PHACTR1: variants seen among roughly 807,000 people sequenced by gnomAD.
PHACTR1 encodes phosphatase and actin regulator 1.
In PHACTR1, 16 loss-of-function variants were observed where a neutral mutation model predicts 69.2. That is an observed-to-expected ratio of 0.23 (90% CI 0.16 to 0.35). PHACTR1 has a LOEUF of 0.35. PHACTR1 is among the 10% of genes least tolerant of loss of function. The probability of loss-of-function intolerance (pLI) is 1.00; values close to 1 mark genes in which losing one functional copy is unlikely to be tolerated. For synonymous variants in PHACTR1, 312 were observed against 284.5 expected (o/e 1.10, Z -0.97); for missense variants, 510 against 734.7 (o/e 0.69, Z 3.54).
intron 5 of PHACTR1, among the ~76,000 whole-genome samples, chr6:13,133,826 C>A (rs1382529776): frequency 6.6e-6 from 1 of 151,626 alleles, no homozygotes; most frequent in Non-Finnish European, 1.5e-5. Flanking sequence ...CTCTGCCCAG[C>A]CGCCATCCCA....
At chr6:13,171,227 C>T (rs1358408306) in intron 6 of PHACTR1, among the ~76,000 whole-genome samples, 2 of 149,120 alleles carry the variant, frequency 1.3e-5, no homozygotes, top group African/African-American at 4.9e-5. Flanking sequence ...GCTCAGGACT[C>T]CTCCAAGGGC....
At chr6:12,949,755 C>T (rs1215694722) in intron 4 of PHACTR1, among the ~76,000 whole-genome samples, 1 of 152,070 alleles carries the variant, frequency 6.6e-6, no homozygotes, top group Non-Finnish European at 1.5e-5. Context: ...TAAAAGTAAA[C>T]AGCTTCTGTG....
intron 4 of PHACTR1, among the ~76,000 whole-genome samples, chr6:12,825,638 A>G (rs927913445): frequency 6.6e-6 from 1 of 152,116 alleles, no homozygotes; most frequent in African/African-American, 2.4e-5. Context: ...GTGAATCTCA[A>G]AGGCCTGTTT....
intron 4 of PHACTR1, among the ~76,000 whole-genome samples, chr6:12,949,549 G>A (rs1791061181): frequency 6.6e-6 from 1 of 152,156 alleles, no homozygotes; most frequent in African/African-American, 2.4e-5. Flanking sequence ...CTGTGGTATA[G>A]ACATACATTG....
At chr6:13,207,916 G>GC (rs1333293182) in intron 8 of PHACTR1, among the ~76,000 whole-genome samples, 1 of 151,290 alleles carries the variant, frequency 6.6e-6, no homozygotes, top group African/African-American at 2.4e-5. Flanking sequence ...CTCTGCTCCT[G>GC]CCTGTCAGCT....
At chr6:13,177,131 A>ATTGAG (rs1360284441) in intron 6 of PHACTR1, among the ~76,000 whole-genome samples, 1 of 138,238 alleles carries the variant, frequency 7.2e-6, no homozygotes, top group African/African-American at 2.7e-5. Flanking sequence ...TGAGCCCAGG[A>ATTGAG]GTTCAAGACC....
chr6:13,124,751 C>T (rs749600761), intron 5 of PHACTR1, among the ~76,000 whole-genome samples: 1 of 152,184 alleles, frequency 6.6e-6, no homozygotes, highest in Non-Finnish European at 1.5e-5. Context: ...AGGGCTCTCT[C>T]TTTGGCTTGC....
At chr6:12,870,023 A>C (rs1406611375) in intron 4 of PHACTR1, among the ~76,000 whole-genome samples, 1 of 152,062 alleles carries the variant, frequency 6.6e-6, no homozygotes, top group East Asian at 1.9e-4. Flanking sequence ...CACCTGGCTA[A>C]GTGCCTGTAA....
intron 4 of PHACTR1, among the ~76,000 whole-genome samples, chr6:12,891,814 C>T (rs908638899): frequency 1.3e-5 from 2 of 152,198 alleles, no homozygotes; most frequent in African/African-American, 4.8e-5. Flanking sequence ...TGAGATCAAA[C>T]CAGCCTTGAA....
rs192150361 is a variant in PHACTR1 at position 13,195,123 on chromosome 6, C to T, written c.665-10692C>T. On this transcript the variant is annotated intron_variant, in intron 7 of 14. Coordinates refer to ENST00000332995, the MANE Select transcript of PHACTR1 (RefSeq NM_030948.6). ...CGAGTGATCATCCCTAGGCGGGCCT[C>T]GTGTTCTGAAGGAACTGATGGAGCT... 7.7e-4 allele frequency among the ~76,000 whole-genome samples: 117 copies of T among 152,320 alleles called. 2 individuals carry two copies. The South Asian group carries it at 0.02, about 26-fold the overall frequency.
intron 4 of PHACTR1, among the ~76,000 whole-genome samples, chr6:12,897,117 A>G (rs964005605): frequency 6.6e-6 from 1 of 152,172 alleles, no homozygotes; most frequent in African/African-American, 2.4e-5. Context: ...GCCATTTCTG[A>G]AAACAACAGG....
At chr6:13,254,329 G>T (rs1774893518) in intron 10 of PHACTR1, among the ~76,000 whole-genome samples, 1 of 152,168 alleles carries the variant, frequency 6.6e-6, no homozygotes, top group Non-Finnish European at 1.5e-5. Context: ...GTATTTTTGT[G>T]ACATGGAAAA....
At chr6:13,144,224 C>T (rs994203847) in intron 5 of PHACTR1, among the ~76,000 whole-genome samples, 21 of 151,898 alleles carry the variant, frequency 1.4e-4, no homozygotes, top group African/African-American at 4.4e-4. Context: ...CAATAAAGGA[C>T]GAGAAGGTAA....
intron 3 of PHACTR1, among the ~76,000 whole-genome samples, chr6:12,743,357 C>T (rs963743454): frequency 5.3e-5 from 8 of 152,158 alleles, no homozygotes; most frequent in Admixed American, 2.0e-4. Context: ...TAGTCTTATA[C>T]TTGCCCTGAT....
intron 4 of PHACTR1, among the ~76,000 whole-genome samples, chr6:13,012,174 T>C (rs1160788761): frequency 2.0e-5 from 3 of 152,242 alleles, no homozygotes; most frequent in Non-Finnish European, 4.4e-5. Flanking sequence ...GAAGCTCTTA[T>C]TGTGCTGATT....
intron 4 of PHACTR1, among the ~76,000 whole-genome samples, chr6:12,935,828 C>A (rs1789382090): frequency 6.6e-6 from 1 of 152,050 alleles, no homozygotes; most frequent in African/African-American, 2.4e-5. Flanking sequence ...CTGTGTTTGG[C>A]CCTTCACTCG....
At chr6:13,032,547 G>A (rs987379032) in intron 4 of PHACTR1, among the ~76,000 whole-genome samples, 16 of 151,930 alleles carry the variant, frequency 1.1e-4, no homozygotes, top group Admixed American at 1.0e-3. Flanking sequence ...ATATCCCTGT[G>A]CCTTATATAT....
rs1048365059 is a variant in PHACTR1 at position 12,789,790 on chromosome 6, T to A, written c.250+40000T>A. Among the ~76,000 whole-genome samples the A allele has an allele frequency of 4.6e-5, 7 of 151,832 alleles. 1 individual carries two copies. The highest frequency in any genetic ancestry group is 4.6e-4 in the Admixed American group (7 of 15,264). ...ATTTTTTTATTTTATTTTATTATTATTATACTTTAAGTTTTAGGGTACATG... is the reference window on the plus strand; with the variant it reads ...ATTTTTTTATTTTATTTTATTATTAATATACTTTAAGTTTTAGGGTACATG... On this transcript the variant is annotated intron_variant, in intron 4 of 14. Coordinates refer to ENST00000332995, the MANE Select transcript of PHACTR1 (RefSeq NM_030948.6).
chr6:13,187,789 AG>A (rs1763005054), intron 7 of PHACTR1, among the ~76,000 whole-genome samples: 2 of 152,122 alleles, frequency 1.3e-5, no homozygotes, highest in South Asian at 4.1e-4. Context: ...ACCATTGAAG[AG>A]GCTTCTCCAG....
Sources: allele counts gnomAD v4.1 joint callset (sites outside exome capture counted in the v4.1 genomes callset), GRCh38; gene constraint gnomAD v4.1.1; transcripts MANE v1.5; gene names NCBI Gene and HGNC (gene_info 2026-07-23, HGNC 2026-07-21).